ASCC3: variants seen among roughly 807,000 people sequenced by gnomAD.
ASCC3 encodes the protein ASC-1 complex subunit P200.
Under a neutral mutation model 256.3 loss-of-function variants are expected in ASCC3, and 158 were observed. The observed-to-expected ratio is 0.62, with a 90% CI of 0.54 to 0.70. ASCC3 has a LOEUF of 0.70. Among genes scored for constraint, ASCC3 ranks in the 30% least tolerant of loss-of-function variants. The pLI, the probability that ASCC3 is intolerant of heterozygous loss-of-function variation, is 0.00. For missense variants in ASCC3, 2,259 were observed against 2,626.0 expected, an observed-to-expected ratio of 0.86 and a Z score of 3.05; for synonymous variants, 948 against 883.4, an observed-to-expected ratio of 1.07 and a Z score of -1.30.
intron 37 of ASCC3, among the ~76,000 whole-genome samples, chr6:100,532,368 G>T: frequency 8.6e-6 from 1 of 116,882 alleles, no homozygotes; most frequent in African/African-American, 3.7e-5. Context: ...GTGTGTGTGT[G>T]TGTATGTGTG....
intron 14 of ASCC3, among the ~76,000 whole-genome samples, chr6:100,677,143 T>C (rs1777065595): frequency 6.6e-6 from 1 of 152,142 alleles, no homozygotes; most frequent in South Asian, 2.1e-4. Flanking sequence ...TCAAAGGCAC[T>C]TCAAGAAATA....
intron 3 of ASCC3, among the ~76,000 whole-genome samples, chr6:100,852,472 G>A (rs951629081): frequency 9.9e-5 from 15 of 152,094 alleles, no homozygotes; most frequent in East Asian, 1.9e-4. Flanking sequence ...ATCCTGTTCC[G>A]AAATAGCCTT....
intron 11 of ASCC3, among the ~76,000 whole-genome samples, chr6:100,720,852 C>G (rs958070553): frequency 6.8e-6 from 1 of 147,480 alleles, no homozygotes; most frequent in Non-Finnish European, 1.5e-5. Flanking sequence ...TATTGATACA[C>G]TATATATTTA....
intron 30 of ASCC3, among the ~76,000 whole-genome samples, chr6:100,622,148 T>C (rs1172769794): frequency 6.6e-6 from 1 of 152,060 alleles, no homozygotes; most frequent in African/African-American, 2.4e-5. Flanking sequence ...ACCTAGGTGA[T>C]GGATTGATCT....
intron 14 of ASCC3, among the ~76,000 whole-genome samples, chr6:100,665,150 T>G (rs1014029717): frequency 1.3e-5 from 2 of 152,140 alleles, no homozygotes; most frequent in Non-Finnish European, 2.9e-5. Context: ...TACCTCCCAC[T>G]TGATCACATG....
chr6:100,622,312 C>T (rs976880003), intron 30 of ASCC3, among the ~76,000 whole-genome samples: 3 of 152,022 alleles, frequency 2.0e-5, no homozygotes, highest in African/African-American at 7.3e-5. Context: ...GCCGTTTCCC[C>T]GATGCTGTTG....
intron 3 of ASCC3, among the ~76,000 whole-genome samples, chr6:100,851,061 C>A (rs1772641907): frequency 6.6e-6 from 1 of 152,060 alleles, no homozygotes; most frequent in Admixed American, 6.6e-5. Flanking sequence ...AAAACTTTCA[C>A]ATAATTATCT....
chr6:100,770,053 T>C (rs926105137), intron 8 of ASCC3, among the ~76,000 whole-genome samples: 6 of 151,566 alleles, frequency 4.0e-5, no homozygotes, highest in Admixed American at 1.3e-4. Context: ...TTTTAAACTA[T>C]TTCAAAAAAA....
At chr6:100,879,975 G>C (rs1187396911) in intron 1 of ASCC3, among the ~76,000 whole-genome samples, 1 of 152,164 alleles carries the variant, frequency 6.6e-6, no homozygotes, top group Non-Finnish European at 1.5e-5. Context: ...CTGGATTATA[G>C]AAAGTTCATG....
intron 13 of ASCC3, among the ~76,000 whole-genome samples, chr6:100,708,490 C>T (rs923816712): frequency 3.9e-5 from 6 of 152,006 alleles, no homozygotes; most frequent in South Asian, 4.2e-4. Flanking sequence ...CTCAGGGATG[C>T]CTCAAGAGAC....
chr6:100,751,360 C>T (rs1209526494), intron 10 of ASCC3, among the ~76,000 whole-genome samples: 2 of 151,882 alleles, frequency 1.3e-5, no homozygotes, highest in African/African-American at 4.8e-5. Context: ...ACACCTAAAC[C>T]TTATTCTATA....
intron 37 of ASCC3, among the ~76,000 whole-genome samples, chr6:100,522,608 A>T (rs1774366760): frequency 6.6e-6 from 1 of 151,840 alleles, no homozygotes; most frequent in Non-Finnish European, 1.5e-5. Context: ...GGGGAAGCAG[A>T]GTGGGGTTTA....
intron 13 of ASCC3, among the ~76,000 whole-genome samples, chr6:100,709,496 G>A (rs1039981430): frequency 1.3e-5 from 2 of 152,040 alleles, no homozygotes; most frequent in South Asian, 4.1e-4. Flanking sequence ...CATGCCTTAG[G>A]TTCATTTCTC....
At chr6:100,571,819 G>A (rs1035380355) in intron 36 of ASCC3, among the ~76,000 whole-genome samples, 5 of 152,190 alleles carry the variant, frequency 3.3e-5, no homozygotes, top group African/African-American at 7.2e-5. Context: ...TGATAGATAA[G>A]CTAATATGCA....
chr6:100,844,667 G>A (rs1772305790), intron 4 of ASCC3, among the ~76,000 whole-genome samples: 1 of 151,962 alleles, frequency 6.6e-6, no homozygotes, highest in Non-Finnish European at 1.5e-5. Context: ...AAATTCTAAG[G>A]CTTAATCATA....
intron 10 of ASCC3, among the ~76,000 whole-genome samples, chr6:100,741,615 C>T (rs1780439184): frequency 6.6e-6 from 1 of 152,040 alleles, no homozygotes; most frequent in South Asian, 2.1e-4. Context: ...CTCTGCCTGT[C>T]TTATTTCAGA....
chr6:100,707,021 T>C (rs1407386059), intron 13 of ASCC3, among the ~76,000 whole-genome samples: 4 of 152,108 alleles, frequency 2.6e-5, no homozygotes, highest in Admixed American at 6.6e-5. Flanking sequence ...TAGTGGACCA[T>C]AGTCCTGATG....
chr6:100,586,450 G>C (rs578119874), intron 36 of ASCC3, among the ~76,000 whole-genome samples: 1 of 152,118 alleles, frequency 6.6e-6, no homozygotes, highest in Non-Finnish European at 1.5e-5. Context: ...TGCAGTATTC[G>C]GGTGGGAGCG....
chr6:100,858,692 A>T (rs1773077712), intron 3 of ASCC3: 1 of 1,011,584 alleles, frequency 9.9e-7, no homozygotes, highest in Non-Finnish European at 1.2e-6. Context: ...CACATTTGAC[A>T]GTACATTTTA....
Sources: allele counts gnomAD v4.1 joint callset (sites outside exome capture counted in the v4.1 genomes callset), GRCh38; gene constraint gnomAD v4.1.1; transcripts MANE v1.5; gene names NCBI Gene and HGNC (gene_info 2026-07-23, HGNC 2026-07-21).